CEP85L: variants seen among roughly 807,000 people sequenced by gnomAD.
CEP85L encodes centrosomal protein of 85 kDa-like.
Under a neutral mutation model 100.3 loss-of-function variants are expected in CEP85L, and 60 were observed. That is an observed-to-expected ratio of 0.60 (90% CI 0.49 to 0.74). The LOEUF (loss-of-function observed/expected upper bound fraction) is 0.74. Among genes scored for constraint, CEP85L ranks in the 30% least tolerant of loss-of-function variants. The pLI is 0.00. For missense variants in CEP85L, 973 were observed against 936.2 expected, an observed-to-expected ratio of 1.04 and a Z score of -0.51; for synonymous variants, 319 against 322.7, an observed-to-expected ratio of 0.99 and a Z score of 0.12.
At chr6:118,611,925 A>G (rs1165517724) in intron 2 of CEP85L, among the ~76,000 whole-genome samples, 4 of 152,218 alleles carry the variant, frequency 2.6e-5, no homozygotes, top group Non-Finnish European at 5.9e-5. Flanking sequence ...TCCTCTTTCA[A>G]CAACTGATAG....
chr6:118,467,083 G>A (rs1033601144), intron 12 of CEP85L, among the ~76,000 whole-genome samples: 5 of 152,110 alleles, frequency 3.3e-5, no homozygotes, highest in Non-Finnish European at 5.9e-5. Flanking sequence ...AAGAGGAACC[G>A]GTTCAGGGAG....
intron 3 of CEP85L, among the ~76,000 whole-genome samples, chr6:118,550,352 T>C (rs943890921): frequency 4.6e-5 from 7 of 151,904 alleles, no homozygotes; most frequent in Middle Eastern, 3.4e-3. Flanking sequence ...ATGTACTCAT[T>C]ACACATGTAC....
At chr6:118,565,197 C>T in intron 3 of CEP85L, 1 of 239,134 alleles carries the variant, frequency 4.2e-6, no homozygotes, top group Non-Finnish European at 8.1e-6. Context: ...CAAGTTGATG[C>T]TCTTTCTATT....
intron 2 of CEP85L, chr6:118,589,049 G>C (rs574919865): frequency 2.4e-4 from 66 of 279,492 alleles, no homozygotes; most frequent in Non-Finnish European, 4.7e-4. Flanking sequence ...TCGTCTCCGA[G>C]GTCAGACTGC....
intron 1 of CEP85L, among the ~76,000 whole-genome samples, chr6:118,675,236 T>C (rs940370263): frequency 6.6e-6 from 1 of 152,106 alleles, no homozygotes; most frequent in Non-Finnish European, 1.5e-5. Context: ...CCACATATTT[T>C]ATGATTCCAC....
At chr6:118,689,601 A>G (rs1467863745) in intron 1 of CEP85L, among the ~76,000 whole-genome samples, 1 of 152,192 alleles carries the variant, frequency 6.6e-6, no homozygotes, top group Non-Finnish European at 1.5e-5. Context: ...TAAATAATTG[A>G]TCAGTGCTTG....
At chr6:118,494,477 A>G (rs935105336) in intron 5 of CEP85L, among the ~76,000 whole-genome samples, 1 of 152,190 alleles carries the variant, frequency 6.6e-6, no homozygotes, top group African/African-American at 2.4e-5. Context: ...ACCCAACTCC[A>G]GCCAACTCCA....
chr6:118,489,475 C>T (rs1053087890), intron 6 of CEP85L, among the ~76,000 whole-genome samples: 3 of 152,248 alleles, frequency 2.0e-5, no homozygotes, highest in Admixed American at 6.5e-5. Context: ...CTCCAGGACA[C>T]CTCATGTATA....
At chr6:118,620,666 G>A (rs1173365439) in intron 2 of CEP85L, among the ~76,000 whole-genome samples, 1 of 152,134 alleles carries the variant, frequency 6.6e-6, no homozygotes, top group Non-Finnish European at 1.5e-5. Flanking sequence ...CCCTCACAGA[G>A]CCCCGGGTAA....
At chr6:118,559,854 T>C (rs1221144716) in intron 3 of CEP85L, 1 of 167,184 alleles carries the variant, frequency 6.0e-6, no homozygotes, top group Non-Finnish European at 1.5e-5. Context: ...GACAGTGAGA[T>C]TAGTCATATC....
upstream of CEP85L, chr6:118,651,741 G>T: frequency 1.0e-6 from 1 of 986,110 alleles, no homozygotes; most frequent in Non-Finnish European, 1.2e-6. Flanking sequence ...CCCCGACCCC[G>T]CTTCGCCTCC....
chr6:118,601,662 T>C (rs753365793), intron 2 of CEP85L, among the ~76,000 whole-genome samples: 8 of 152,140 alleles, frequency 5.3e-5, no homozygotes, highest in Non-Finnish European at 1.0e-4. Context: ...GGGCTGCTGG[T>C]TGCCCATTTT....
At chr6:118,698,885 CT>C (rs999773834) in intron 1 of CEP85L, among the ~76,000 whole-genome samples, 2 of 152,178 alleles carry the variant, frequency 1.3e-5, no homozygotes, top group Non-Finnish European at 2.9e-5. Context: ...AACCCCTGAG[CT>C]TTCACAAAGT....
At chr6:118,586,586 C>A (rs1348398491) in intron 2 of CEP85L, among the ~76,000 whole-genome samples, 3 of 152,142 alleles carry the variant, frequency 2.0e-5, no homozygotes, top group Non-Finnish European at 2.9e-5. Context: ...ACACTCAAGT[C>A]AAAGCCTGGA....
intron 2 of CEP85L, among the ~76,000 whole-genome samples, chr6:118,586,875 T>C (rs1333163637): frequency 6.6e-6 from 1 of 152,182 alleles, no homozygotes; most frequent in Non-Finnish European, 1.5e-5. Flanking sequence ...CTATATACTG[T>C]AGCACCCTCA....
intron 10 of CEP85L, among the ~76,000 whole-genome samples, chr6:118,478,273 A>T (rs185961008): frequency 2.2e-4 from 34 of 152,278 alleles, no homozygotes; most frequent in African/African-American, 7.9e-4. Flanking sequence ...ACCAAAAATG[A>T]CCAAATACAA....
chr6:118,661,332 C>T (rs1037870749), intron 1 of CEP85L, among the ~76,000 whole-genome samples: 1 of 152,020 alleles, frequency 6.6e-6, no homozygotes, highest in African/African-American at 2.4e-5. Flanking sequence ...TTAATGCACA[C>T]GAGAGTAGAT....
chr6:118,470,742 ATCT>A, intron 10 of CEP85L, 98 bp from the exon 11 acceptor site: 1 of 579,126 alleles, frequency 1.7e-6, no homozygotes, highest in East Asian at 3.1e-5. Flanking sequence ...AATACTTTAA[ATCT>A]TCTTTCCTCC....
intron 3 of CEP85L, among the ~76,000 whole-genome samples, chr6:118,543,430 T>C (rs921086687): frequency 2.0e-5 from 3 of 152,132 alleles, no homozygotes; most frequent in Admixed American, 1.3e-4. Flanking sequence ...AAACAGTGTG[T>C]AGAGCTTAAA....
Sources: allele counts gnomAD v4.1 joint callset (sites outside exome capture counted in the v4.1 genomes callset), GRCh38; gene constraint gnomAD v4.1.1; transcripts MANE v1.5; gene names NCBI Gene and HGNC (gene_info 2026-07-23, HGNC 2026-07-21).